The following BCAS3 variants were observed in gnomAD, a reference collection of about 807,000 sequenced individuals.
The protein encoded by BCAS3 is BCAS4/BCAS3 fusion.
BCAS3 carries 53 observed loss-of-function variants against 116.1 expected under a neutral mutation model. The observed-to-expected ratio is 0.46, with a 90% CI of 0.37 to 0.57. BCAS3 has a LOEUF of 0.57. Among genes scored for constraint, BCAS3 ranks in the 20% least tolerant of loss-of-function variants. BCAS3 has a pLI of 0.00. For missense variants in BCAS3, 917 were observed against 1,165.4 expected, an observed-to-expected ratio of 0.79 and a Z score of 3.10; for synonymous variants, 391 against 408.2, an observed-to-expected ratio of 0.96 and a Z score of 0.51.
chr17:61,005,718 T>C (rs1025407521), intron 15 of BCAS3, among the ~76,000 whole-genome samples: 1 of 151,936 alleles, frequency 6.6e-6, no homozygotes, highest in African/African-American at 2.4e-5. Flanking sequence ...TTACATCATT[T>C]TGATTTTTAG....
rs2054799809 is a variant in BCAS3 at position 61,316,979 on chromosome 17, C to G, written c.2426-51348C>G. On this transcript the variant is annotated intron_variant, in intron 22 of 23. Transcript: ENST00000407086. The surrounding 1 kb of genome is among the most constrained non-coding windows in gnomAD (Gnocchi z 5.8). ...TATGATCCAGAATTCCCTCTCACCT[C>G]AGACACTGATGGTACTATTAGAGTT... Among the ~76,000 whole-genome samples the G allele has an allele frequency of 1.3e-5, 2 of 152,252 alleles. No individual in the cohort carries two copies. Among genetic ancestry groups the G allele is most frequent in the South Asian group, 2.1e-4 (1 of 4,834 alleles).
In BCAS3 at chr17:61,084,402, C is replaced by A; in HGVS notation, c.2328-65C>A. The A allele has an allele frequency of 2.3e-6, 3 of 1,321,118 alleles. No individual in the cohort carries two copies. The highest frequency in any genetic ancestry group is 2.5e-5 in the South Asian group (2 of 78,938). The allele number at this position is 1,321,118 out of a possible 1,614,324, so 81.8% of individuals were successfully genotyped here. ...TACTCCAGCATTCCTGATTTAAGGT[C>A]ATTTGTAGCAAGTGACAGTTTTGAT... On this transcript the variant is annotated intron_variant, in intron 21 of 23. Transcript: ENST00000407086. The surrounding 1 kb of genome is among the most constrained non-coding windows in gnomAD (Gnocchi z 5.5).
chr17:61,086,891 G>T, intron 22 of BCAS3: 2 of 985,084 alleles, frequency 2.0e-6, no homozygotes, highest in South Asian at 9.4e-5. Context: ...ATATGTTAAC[G>T]CATTTTTTGA....
chr17:60,713,250 G>A (rs753457282), intron 5 of BCAS3, among the ~76,000 whole-genome samples: 2 of 152,158 alleles, frequency 1.3e-5, no homozygotes, highest in Non-Finnish European at 2.9e-5. Flanking sequence ...ATCGTTTTCT[G>A]AGCCCCAGTG....
intron 13 of BCAS3, among the ~76,000 whole-genome samples, chr17:60,927,270 T>G (rs2059411197): frequency 6.6e-6 from 1 of 152,062 alleles, no homozygotes; most frequent in Non-Finnish European, 1.5e-5. Context: ...GTTTGTTTTT[T>G]TTTTGAGACA....
intron 6 of BCAS3, among the ~76,000 whole-genome samples, chr17:60,748,152 TA>T (rs1239284271): frequency 6.6e-6 from 1 of 152,208 alleles, no homozygotes; most frequent in Non-Finnish European, 1.5e-5. Flanking sequence ...AAAAATCTTA[TA>T]AGACTTCTTG....
intron 23 of BCAS3, among the ~76,000 whole-genome samples, chr17:61,382,022 T>C (rs2059626494): frequency 6.6e-6 from 1 of 152,036 alleles, no homozygotes; most frequent in Non-Finnish European, 1.5e-5. Flanking sequence ...CCCCCACTTA[T>C]TAAGAAACTC....
At chr17:60,721,644 A>G (rs1319378336) in intron 5 of BCAS3, among the ~76,000 whole-genome samples, 2 of 152,168 alleles carry the variant, frequency 1.3e-5, no homozygotes, top group African/African-American at 4.8e-5. Flanking sequence ...AAAACAATAT[A>G]TTATTTGGAC....
chr17:61,044,500 G>A (rs1043819127), intron 19 of BCAS3, among the ~76,000 whole-genome samples: 3 of 144,768 alleles, frequency 2.1e-5, no homozygotes, highest in Admixed American at 6.8e-5. Context: ...CTTAACTCTT[G>A]TTTATATCAG....
intron 22 of BCAS3, among the ~76,000 whole-genome samples, chr17:61,342,719 C>G (rs2057250007): frequency 6.6e-6 from 1 of 150,972 alleles, no homozygotes; most frequent in Admixed American, 6.6e-5. Flanking sequence ...CTAGAGGTTT[C>G]TATCATGTAC....
At chr17:60,878,330 A>G (rs1199962803) in intron 9 of BCAS3, among the ~76,000 whole-genome samples, 1 of 152,080 alleles carries the variant, frequency 6.6e-6, no homozygotes, top group African/African-American at 2.4e-5. Flanking sequence ...TTGAGGAAAG[A>G]TGTTCTTAAT....
Position 60,810,278 on chromosome 17 carries a change from G to A in BCAS3, c.476+2202G>A, listed in dbSNP as rs951326372. ...AGCAGTGTGGCCAGTGTCTGTGCAG[G>A]CACCAGGGGCTCTGGTTCCCGGATC... On this transcript the variant is annotated intron_variant, in intron 7 of 23. Transcript: ENST00000407086. 1.8e-5 allele frequency: 8 copies of A among 449,452 alleles called. No homozygotes were observed. In the Admixed American group the frequency reaches 2.1e-4, roughly 12 times the overall value. 27.8% of individuals were successfully genotyped at this position (449,452 alleles called of 1,614,324 possible).
At position 61,021,210 on chromosome 17, in the gene BCAS3, C is replaced by T. The variant is rs2065852304; in HGVS notation, c.1637+5309C>T. 6.6e-6 allele frequency among the ~76,000 whole-genome samples: 1 copy of T among 152,044 alleles called. No homozygotes were observed. Among genetic ancestry groups the T allele is most frequent in the African/African-American group, 2.4e-5 (1 of 41,382 alleles). ...AGCTGGGACTACAAGTGGGTGTGTGCCACCATGCCTGTCTAAGTTTTGTAT... is the reference window on the plus strand; with the variant it reads ...AGCTGGGACTACAAGTGGGTGTGTGTCACCATGCCTGTCTAAGTTTTGTAT... On this transcript the variant is annotated intron_variant, in intron 16 of 23. Coordinates refer to ENST00000407086, the MANE Select transcript of BCAS3 (RefSeq NM_017679.5). This position sits in a 1 kb window ranked among gnomAD's most constrained non-coding sequence, Gnocchi z 4.6.
At chr17:60,802,790 C>T (rs1047420699) in intron 6 of BCAS3, among the ~76,000 whole-genome samples, 11 of 151,992 alleles carry the variant, frequency 7.2e-5, no homozygotes, top group Admixed American at 1.3e-4. Context: ...TATAGACACC[C>T]GGCTAATTTT....
In BCAS3 at chr17:60,925,501, C is replaced by CAT. The variant is rs529316389; in HGVS notation, c.1087+1002_1087+1003insTA. ...CTTATGGAGATTAACAAGTACTCTA[C>CAT]AGTATGTCATTTTGACATTATTTCT... is the stretch of plus-strand genomic sequence containing the variant. On this transcript the variant is annotated intron_variant, in intron 13 of 23. Transcript: ENST00000407086. Among the ~76,000 whole-genome samples, 20 of 152,274 alleles carry CAT rather than the reference C, an allele frequency of 1.3e-4. No individual in the cohort carries two copies. The East Asian group carries it at 3.9e-3, about 29-fold the overall frequency.
intron 22 of BCAS3, among the ~76,000 whole-genome samples, chr17:61,263,045 T>A (rs2049367479): frequency 6.6e-6 from 1 of 152,160 alleles, no homozygotes; most frequent in Non-Finnish European, 1.5e-5. Flanking sequence ...ATCTAGAAAT[T>A]AAATGAAATT....
At chr17:60,744,743 C>T (rs2041888321) in intron 5 of BCAS3, among the ~76,000 whole-genome samples, 1 of 151,552 alleles carries the variant, frequency 6.6e-6, no homozygotes, top group Admixed American at 6.6e-5. Context: ...ATCCTAGGAC[C>T]ATAGAGGTAA....
At chr17:61,070,362 T>C (rs1186327618) in intron 19 of BCAS3, 6 of 518,804 alleles carry the variant, frequency 1.2e-5, no homozygotes, top group South Asian at 5.9e-5. Flanking sequence ...GCTGCCTAAT[T>C]CTGAATATAT....
intron 22 of BCAS3, among the ~76,000 whole-genome samples, chr17:61,125,533 C>CA (rs889412611): frequency 5.3e-5 from 8 of 151,802 alleles, no homozygotes; most frequent in African/African-American, 1.9e-4. Context: ...AGAATATTGA[C>CA]AAAAAAAATT....
Sources: gnomAD v4.1 joint callset for allele counts (sites outside exome capture counted in the v4.1 genomes callset) on GRCh38, gnomAD v4.1.1 for gene constraint, Gnocchi (gnomAD v3.1) non-coding constraint, MANE v1.5 for transcripts, NCBI Gene and HGNC (gene_info 2026-07-23, HGNC 2026-07-21) for gene names.